Variants in DAB1 observed in about 807,000 individuals in gnomAD.
DAB1 encodes disabled homolog 1.
In DAB1, 15 loss-of-function variants were observed where a neutral mutation model predicts 64.6. That is an observed-to-expected ratio of 0.23 (90% CI 0.16 to 0.36). DAB1 has a LOEUF of 0.36. Ranked by LOEUF, DAB1 falls within the 10% of genes least tolerant of loss-of-function variation. DAB1 has a pLI of 1.00. For missense variants in DAB1, 596 were observed against 706.7 expected, an observed-to-expected ratio of 0.84 and a Z score of 1.78; for synonymous variants, 235 against 251.9, an observed-to-expected ratio of 0.93 and a Z score of 0.64.
chr1:58,504,516 T>G (rs994171613), intron 3 of DAB1, among the ~76,000 whole-genome samples: 1 of 152,190 alleles, frequency 6.6e-6, no homozygotes, highest in Non-Finnish European at 1.5e-5. Flanking sequence ...ATCTGCTTTA[T>G]TTTTTCCCAA....
intron 4 of DAB1, among the ~76,000 whole-genome samples, chr1:58,173,370 G>A (rs1471505300): frequency 1.3e-5 from 2 of 152,058 alleles, no homozygotes; most frequent in Non-Finnish European, 2.9e-5. Flanking sequence ...GCTTCTCAGG[G>A]CCTCCAAAAA....
chr1:57,182,281 C>A (rs1381643195), intron 2 of DAB1, among the ~76,000 whole-genome samples: 1 of 152,218 alleles, frequency 6.6e-6, no homozygotes. Context: ...ACAATAGCAG[C>A]TATCAATTAC....
At chr1:57,402,467 A>G (rs753070854) in intron 1 of DAB1, among the ~76,000 whole-genome samples, 4 of 152,174 alleles carry the variant, frequency 2.6e-5, no homozygotes, top group Non-Finnish European at 5.9e-5. Flanking sequence ...GTAATTACTA[A>G]TAGGGATGGT....
intron 6 of DAB1, among the ~76,000 whole-genome samples, chr1:57,762,278 T>C (rs1649121170): frequency 7.0e-6 from 1 of 142,730 alleles, no homozygotes; most frequent in Non-Finnish European, 1.5e-5. Context: ...CTTCCAAAAT[T>C]ACTGGTAAAA....
intron 2 of DAB1, among the ~76,000 whole-genome samples, chr1:57,190,473 T>C (rs565386148): frequency 6.6e-6 from 1 of 151,740 alleles, no homozygotes; most frequent in Non-Finnish European, 1.5e-5. Context: ...TGGGGAGAGA[T>C]AGAGCCAGGA....
chr1:58,136,626 C>T (rs1653960608), intron 5 of DAB1, among the ~76,000 whole-genome samples: 2 of 152,284 alleles, frequency 1.3e-5, no homozygotes, highest in South Asian at 4.1e-4. Flanking sequence ...AAGTAAAACC[C>T]AGAGGCTGGA....
At chr1:58,324,079 T>G (rs1185093840) in intron 4 of DAB1, among the ~76,000 whole-genome samples, 1 of 152,178 alleles carries the variant, frequency 6.6e-6, no homozygotes, top group Non-Finnish European at 1.5e-5. Context: ...CATTTTGCCT[T>G]GTTTTCCAGG....
At chr1:57,163,660 G>A (rs1298509588) in intron 2 of DAB1, among the ~76,000 whole-genome samples, 1 of 151,942 alleles carries the variant, frequency 6.6e-6, no homozygotes, top group African/African-American at 2.4e-5. Context: ...GTAGAAGCAG[G>A]GGCTAATAAT....
intron 4 of DAB1, among the ~76,000 whole-genome samples, chr1:58,301,523 A>C (rs1662168901): frequency 6.6e-6 from 1 of 152,054 alleles, no homozygotes; most frequent in South Asian, 2.1e-4. Flanking sequence ...AGCTATCATT[A>C]GTGTTAGTCT....
chr1:58,529,390 A>G (rs1447046303), intron 1 of DAB1, among the ~76,000 whole-genome samples: 1 of 152,254 alleles, frequency 6.6e-6, no homozygotes, highest in Non-Finnish European at 1.5e-5. Context: ...ATTATGGTTA[A>G]CAAAGTAGTT....
intron 1 of DAB1, among the ~76,000 whole-genome samples, chr1:57,404,473 G>A (rs565664023): frequency 4.6e-4 from 70 of 152,278 alleles, no homozygotes; most frequent in African/African-American, 1.6e-3. Context: ...GAAGGAAGAA[G>A]ACTGAAATGG....
At chr1:57,066,513 C>T (rs1275491649) in intron 8 of DAB1, among the ~76,000 whole-genome samples, 6 of 151,864 alleles carry the variant, frequency 4.0e-5, no homozygotes, top group African/African-American at 7.3e-5. Context: ...AGAAAAACCT[C>T]GAAAAAAGAG....
At chr1:57,060,968 G>GT (rs1355345272) in intron 9 of DAB1, among the ~76,000 whole-genome samples, 1 of 152,082 alleles carries the variant, frequency 6.6e-6, no homozygotes, top group African/African-American at 2.4e-5. Flanking sequence ...AGGGGCAAGT[G>GT]TGGCAATTCA....
At chr1:57,725,942 C>T (rs992211113) in intron 6 of DAB1, among the ~76,000 whole-genome samples, 1 of 152,084 alleles carries the variant, frequency 6.6e-6, no homozygotes, top group Non-Finnish European at 1.5e-5. Flanking sequence ...TTAGTAGAGA[C>T]AGGGTTTCAC....
At chr1:57,875,484 C>T (rs530215306) in intron 1 of DAB1, among the ~76,000 whole-genome samples, 1 of 152,222 alleles carries the variant, frequency 6.6e-6, no homozygotes, top group East Asian at 1.9e-4. Flanking sequence ...TACCTGATAC[C>T]TTCTGGGAGT....
chr1:57,715,012 T>C (rs1010176961), intron 6 of DAB1, among the ~76,000 whole-genome samples: 1 of 152,158 alleles, frequency 6.6e-6, no homozygotes, highest in Non-Finnish European at 1.5e-5. Context: ...CTGATTAACA[T>C]AGATGCAGAA....
intron 4 of DAB1, among the ~76,000 whole-genome samples, chr1:58,237,306 T>C (rs907479371): frequency 2.0e-5 from 3 of 152,182 alleles, no homozygotes; most frequent in Admixed American, 6.5e-5. Flanking sequence ...ATGCATGTAC[T>C]CTATGTAAGA....
chr1:58,508,587 A>G (rs867896541), intron 2 of DAB1, among the ~76,000 whole-genome samples: 1 of 152,018 alleles, frequency 6.6e-6, no homozygotes, highest in Non-Finnish European at 1.5e-5. Flanking sequence ...GCAGCTCCCC[A>G]CCACTCCTTG....
chr1:58,079,003 T>G (rs912558033), intron 5 of DAB1, among the ~76,000 whole-genome samples: 1 of 152,144 alleles, frequency 6.6e-6, no homozygotes, highest in Non-Finnish European at 1.5e-5. Flanking sequence ...ACTCACAGGA[T>G]CAAGACGGAA....
Sources: gnomAD v4.1 joint callset for allele counts (sites outside exome capture counted in the v4.1 genomes callset) on GRCh38, gnomAD v4.1.1 for gene constraint, MANE v1.5 for transcripts, NCBI Gene and HGNC (gene_info 2026-07-23, HGNC 2026-07-21) for gene names.